The following RALB variants were observed in gnomAD, a reference collection of about 807,000 sequenced individuals.
RALB encodes the protein RAS like proto-oncogene B.
RALB carries 16 observed loss-of-function variants against 21.3 expected under a neutral mutation model. The observed-to-expected ratio is 0.75, with a 90% confidence interval of 0.51 to 1.14. RALB has a LOEUF of 1.14. Among genes scored for constraint, RALB ranks in the 50% most tolerant of loss-of-function variants. RALB has a pLI of 0.00. For synonymous variants in RALB, 93 were observed against 96.1 expected (o/e 0.97, Z 0.19); for missense variants, 161 against 256.2 (o/e 0.63, Z 2.54).
rs145465378 is a variant in RALB at position 120,254,966 on chromosome 2, C to G, written c.-48+1986C>G. 7.3e-3 allele frequency among the ~76,000 whole-genome samples: 1,115 copies of G among 152,302 alleles called. 14 individuals carry two copies. Among genetic ancestry groups the G allele is most frequent in the African/African-American group, 0.025 (1,058 of 41,530 alleles). On this transcript the variant is annotated intron_variant, in intron 1 of 4. Transcript: ENST00000272519. The stretch of plus-strand genomic sequence containing the variant: ...GCTGGGGATCACAGGTGTGAGCCAC[C>G]CCGTCTGGCAGGGATAATTCTTTCT...
At chr2:120,277,493 G>A (rs1689836552) in intron 1 of RALB, among the ~76,000 whole-genome samples, 1 of 135,728 alleles carries the variant, frequency 7.4e-6, no homozygotes, top group Non-Finnish European at 1.6e-5. Flanking sequence ...ACATGTATGT[G>A]TGGTATGAGC....
chr2:120,274,413 T>G (rs1573343069), intron 1 of RALB, among the ~76,000 whole-genome samples: 2 of 146,518 alleles, frequency 1.4e-5, no homozygotes, highest in Non-Finnish European at 3.0e-5. Context: ...CGGTCAAGAG[T>G]AGGGGGGAGA....
chr2:120,258,910 T>C (rs1689269360), intron 1 of RALB, among the ~76,000 whole-genome samples: 1 of 151,804 alleles, frequency 6.6e-6, no homozygotes. Context: ...GTCTGGAGTC[T>C]GTCCCTTCTG....
chr2:120,262,080 A>T (rs1689379279), intron 1 of RALB, among the ~76,000 whole-genome samples: 1 of 152,146 alleles, frequency 6.6e-6, no homozygotes, highest in African/African-American at 2.4e-5. Context: ...GTTGGGTAGA[A>T]TGGAAGTCTG....
chr2:120,245,221 G>T (rs1688951824), intron 1 of RALB, among the ~76,000 whole-genome samples: 1 of 152,230 alleles, frequency 6.6e-6, no homozygotes, highest in Non-Finnish European at 1.5e-5. Context: ...CAGCATGGGT[G>T]GGAAGGTGGT....
intron 1 of RALB, among the ~76,000 whole-genome samples, chr2:120,268,912 T>A (rs1310367005): frequency 7.0e-6 from 1 of 143,616 alleles, no homozygotes; most frequent in East Asian, 2.0e-4. Context: ...CCTACAATAA[T>A]TCTTTGTTTA....
Position 120,294,545 on chromosome 2 carries a change from T to TCATA in RALB, c.*1286_*1289dup. The TCATA allele has an allele frequency of 6.4e-6, 2 of 310,146 alleles. No homozygotes were observed. The highest frequency in any genetic ancestry group is 1.2e-5 in the Non-Finnish European group (2 of 171,484). 19.2% of individuals were successfully genotyped at this position (310,146 alleles called of 1,614,324 possible). A position where few individuals can be genotyped will look rare whatever the true frequency, so the allele number is the denominator to read the frequency against. ...TTCCCCATTTTTCAGAAGCGACATTTCATATATAGGTGCCAAAAGTGAATC... is the reference window on the plus strand; with the variant it reads ...TTCCCCATTTTTCAGAAGCGACATTTCATACATATATAGGTGCCAAAAGTGAATC... On this transcript the variant is annotated 3_prime_UTR_variant, in exon 5 of 5. Transcript: ENST00000272519.
intron 2 of RALB, among the ~76,000 whole-genome samples, chr2:120,280,002 A>G (rs1444291943): frequency 2.0e-5 from 3 of 152,206 alleles, no homozygotes; most frequent in Non-Finnish European, 4.4e-5. Flanking sequence ...CGCTGGCTGC[A>G]GGAGTACTCC....
At chr2:120,265,445 T>C (rs1689478923) in intron 1 of RALB, among the ~76,000 whole-genome samples, 1 of 152,274 alleles carries the variant, frequency 6.6e-6, no homozygotes, top group African/African-American at 2.4e-5. Flanking sequence ...GGTGCATGAC[T>C]GTATAACAAC....
At chr2:120,248,558 T>C (rs1468529058), upstream of RALB, among the ~76,000 whole-genome samples, 4 of 66,466 alleles carry the variant, frequency 6.0e-5, no homozygotes, top group Non-Finnish European at 9.6e-5. Context: ...GATTACCCTG[T>C]CTAGGACCCC....
intron 1 of RALB, among the ~76,000 whole-genome samples, chr2:120,266,409 T>G (rs1271674659): frequency 6.6e-6 from 1 of 152,196 alleles, no homozygotes; most frequent in African/African-American, 2.4e-5. Flanking sequence ...TACGCCCAGC[T>G]AATTTTTATA....
chr2:120,260,643 A>C, intron 1 of RALB, among the ~76,000 whole-genome samples: 1 of 152,010 alleles, frequency 6.6e-6, no homozygotes, highest in African/African-American at 2.4e-5. Flanking sequence ...GCCACCCGGG[A>C]AGCACTCAGC....
At chr2:120,256,859 C>T (rs1012648944) in intron 1 of RALB, among the ~76,000 whole-genome samples, 2 of 152,112 alleles carry the variant, frequency 1.3e-5, no homozygotes, top group Non-Finnish European at 2.9e-5. Context: ...AGGCTAGCCA[C>T]CACAACTTTT....
At chr2:120,246,219 C>T (rs1688969076) in intron 1 of RALB, among the ~76,000 whole-genome samples, 1 of 152,240 alleles carries the variant, frequency 6.6e-6, no homozygotes, top group Admixed American at 6.5e-5. Context: ...CTGCATGGTG[C>T]TTTGGTGAGG....
intron 3 of RALB, among the ~76,000 whole-genome samples, chr2:120,286,725 C>T (rs1690168141): frequency 6.6e-6 from 1 of 152,214 alleles, no homozygotes; most frequent in Admixed American, 6.5e-5. Context: ...CTGTGAATTT[C>T]ATGTGGGCAA....
At chr2:120,287,835 C>T (rs777901337) in intron 3 of RALB, among the ~76,000 whole-genome samples, 6 of 152,204 alleles carry the variant, frequency 3.9e-5, no homozygotes, top group Admixed American at 6.5e-5. Context: ...TTGACCTCTG[C>T]GTAGGTTTCT....
intron 1 of RALB, among the ~76,000 whole-genome samples, chr2:120,254,748 G>A (rs1287084295): frequency 6.6e-6 from 1 of 152,088 alleles, no homozygotes; most frequent in Non-Finnish European, 1.5e-5. Context: ...TGTGATCACC[G>A]CTCACTGCAG....
At chr2:120,261,342 G>A (rs2104593841) in intron 1 of RALB, among the ~76,000 whole-genome samples, 1 of 152,228 alleles carries the variant, frequency 6.6e-6, no homozygotes, top group Non-Finnish European at 1.5e-5. Context: ...TTTGCTAAGA[G>A]CAGGAATGTG....
At chr2:120,287,604 C>T (rs1232642861) in intron 3 of RALB, among the ~76,000 whole-genome samples, 2 of 152,182 alleles carry the variant, frequency 1.3e-5, no homozygotes, top group East Asian at 3.9e-4. Flanking sequence ...GGGAAGTGGG[C>T]AGGAGAGTTC....
Sources: allele counts gnomAD v4.1 joint callset (sites outside exome capture counted in the v4.1 genomes callset), GRCh38; gene constraint gnomAD v4.1.1; transcripts MANE v1.5; gene names NCBI Gene and HGNC (gene_info 2026-07-23, HGNC 2026-07-21).